The following FHIT variants were observed in gnomAD, a reference collection of about 807,000 sequenced individuals.
FHIT encodes fragile histidine triad diadenosine triphosphatase, also known as bis(5'-adenosyl)-triphosphatase.
A neutral mutation model predicts 17.9 loss-of-function variants in FHIT; 19 were observed. The ratio of observed to expected loss-of-function variants is 1.06; its 90% CI spans 0.74 to 1.56. The LOEUF is 1.56. Among genes scored for constraint, FHIT ranks in the 40% most tolerant of loss-of-function variants. The pLI is 0.00. For synonymous variants in FHIT, 81 were observed against 69.7 expected (o/e 1.16, Z -0.81); for missense variants, 248 against 189.2 (o/e 1.31, Z -1.82).
At chr3:61,107,180 G>A (rs1419495194) in intron 2 of FHIT, among the ~76,000 whole-genome samples, 1 of 152,032 alleles carries the variant, frequency 6.6e-6, no homozygotes, top group African/African-American at 2.4e-5. Flanking sequence ...CTGCCTCTAT[G>A]AGTTTGACTG....
In FHIT at chr3:60,883,490, T is replaced by A. The variant is rs185056397; in HGVS notation, c.-110-61479A>T. On this transcript the variant is annotated intron_variant, in intron 3 of 9. Coordinates refer to ENST00000492590, the MANE Select transcript of FHIT (RefSeq NM_002012.4). ...ATACAAGAAAGTGATAATAACTAAA[T>A]CATCATGTTACTGGAGTAAAAACAA... Among the ~76,000 whole-genome samples, 4 of 152,096 alleles carry A rather than the reference T, an allele frequency of 2.6e-5. No homozygotes were observed. The East Asian group carries it at 7.7e-4, about 29-fold the overall frequency.
intron 3 of FHIT, among the ~76,000 whole-genome samples, chr3:60,851,822 C>A (rs1703165788): frequency 6.6e-6 from 1 of 152,042 alleles, no homozygotes; most frequent in African/African-American, 2.4e-5. Flanking sequence ...CAAGCCAGTA[C>A]TGAGTCTTTC....
chr3:61,245,855 C>T (rs2040475914), intron 1 of FHIT, among the ~76,000 whole-genome samples: 1 of 152,164 alleles, frequency 6.6e-6, no homozygotes, highest in Admixed American at 6.5e-5. Context: ...CAGAGCAACT[C>T]CATCTTCAAT....
At chr3:61,246,057 G>GTCGTCCTCACTGC (rs1179620487) in intron 1 of FHIT, among the ~76,000 whole-genome samples, 1 of 152,178 alleles carries the variant, frequency 6.6e-6, no homozygotes, top group African/African-American at 2.4e-5. Context: ...GTGACCTCTG[G>GTCGTCCTCACTGC]TCGTCCTCAC....
chr3:59,963,029 G>C (rs1707756822), intron 7 of FHIT, among the ~76,000 whole-genome samples: 1 of 152,310 alleles, frequency 6.6e-6, no homozygotes, highest in Non-Finnish European at 1.5e-5. Flanking sequence ...GCCAAAGCGG[G>C]CAGATCACGA....
intron 4 of FHIT, among the ~76,000 whole-genome samples, chr3:60,674,207 A>G (rs2040571946): frequency 6.6e-6 from 1 of 152,010 alleles, no homozygotes; most frequent in Non-Finnish European, 1.5e-5. Flanking sequence ...TAAACTTTTC[A>G]TTTTGGAAAT....
intron 4 of FHIT, among the ~76,000 whole-genome samples, chr3:60,764,724 T>C (rs1553720937): frequency 1.3e-5 from 2 of 151,510 alleles, no homozygotes; most frequent in African/African-American, 4.8e-5. Context: ...GATGAGATTA[T>C]AGATATATTA....
rs191192042 is a variant in FHIT at position 60,720,186 on chromosome 3, C to T, written c.-18+101733G>A. 1.8e-4 allele frequency among the ~76,000 whole-genome samples: 27 copies of T among 152,178 alleles called. No individual in the cohort carries two copies. In the East Asian group the frequency reaches 5.0e-3, roughly 28 times the overall value. ...TCCTTGAACTAGCCATCCTCCTTCC[C>T]GATACAGAATATTTGCAAAACCATC... is the stretch of plus-strand genomic sequence containing the variant. On this transcript the variant is annotated intron_variant, in intron 4 of 9. Transcript: ENST00000492590.
chr3:60,930,788 A>T (rs1707910766), intron 3 of FHIT, among the ~76,000 whole-genome samples: 1 of 152,194 alleles, frequency 6.6e-6, no homozygotes, highest in Non-Finnish European at 1.5e-5. Flanking sequence ...TAGTTCAACC[A>T]TTGTGGAAGT....
At chr3:60,902,532 T>C (rs2107229589) in intron 3 of FHIT, among the ~76,000 whole-genome samples, 1 of 152,316 alleles carries the variant, frequency 6.6e-6, no homozygotes. Context: ...ATCCTGATAA[T>C]ATGGATGGTT....
chr3:60,598,676 C>A (rs1204071907), intron 4 of FHIT, among the ~76,000 whole-genome samples: 1 of 152,164 alleles, frequency 6.6e-6, no homozygotes, highest in African/African-American at 2.4e-5. Flanking sequence ...TTTCGCTTTG[C>A]TTACAGATTG....
chr3:60,612,830 T>C (rs2038828104), intron 4 of FHIT, among the ~76,000 whole-genome samples: 1 of 152,222 alleles, frequency 6.6e-6, no homozygotes, highest in African/African-American at 2.4e-5. Flanking sequence ...TATTAATCAA[T>C]AACAGAATCC....
At chr3:60,900,881 G>T (rs906395683) in intron 3 of FHIT, among the ~76,000 whole-genome samples, 2 of 152,128 alleles carry the variant, frequency 1.3e-5, no homozygotes, top group African/African-American at 2.4e-5. Context: ...GGGTTCAAGT[G>T]ATTCCCTTGC....
At chr3:60,474,347 A>G (rs1460817433) in intron 5 of FHIT, among the ~76,000 whole-genome samples, 1 of 152,232 alleles carries the variant, frequency 6.6e-6, no homozygotes, top group Non-Finnish European at 1.5e-5. Context: ...AGAATCTTAA[A>G]TCAACTGAAT....
chr3:60,131,033 G>C (rs535668344), intron 5 of FHIT, among the ~76,000 whole-genome samples: 1 of 69,200 alleles, frequency 1.4e-5, no homozygotes, highest in African/African-American at 1.1e-4. Flanking sequence ...ATATACATAT[G>C]TGTATATATA....
At chr3:60,372,474 G>A (rs1490330897) in intron 5 of FHIT, among the ~76,000 whole-genome samples, 1 of 152,102 alleles carries the variant, frequency 6.6e-6, no homozygotes, top group African/African-American at 2.4e-5. Flanking sequence ...CTATCTCATT[G>A]TATTTTCCGC....
chr3:59,779,375 A>G (rs1317838269), intron 8 of FHIT, among the ~76,000 whole-genome samples: 1 of 152,112 alleles, frequency 6.6e-6, no homozygotes, highest in Non-Finnish European at 1.5e-5. Context: ...TACATAAGCC[A>G]TTCCTGGGCT....
At position 60,111,900 on chromosome 3, in the gene FHIT, A is replaced by G. The variant is rs1003862467; in HGVS notation, c.104-97748T>C. 3.9e-5 allele frequency among the ~76,000 whole-genome samples: 6 copies of G among 152,210 alleles called. No individual in the cohort carries two copies. The East Asian group carries it at 1.2e-3, about 29-fold the overall frequency. On this transcript the variant is annotated intron_variant, in intron 5 of 9. Coordinates refer to ENST00000492590, the MANE Select transcript of FHIT (RefSeq NM_002012.4). ...AATTAAACATCCAACTCTTTGCCTGAAACACCGTTCCTTAAGGGCTTTCCA... is the reference window on the plus strand; with the variant it reads ...AATTAAACATCCAACTCTTTGCCTGGAACACCGTTCCTTAAGGGCTTTCCA...
At chr3:60,570,114 C>T (rs752874521) in intron 4 of FHIT, among the ~76,000 whole-genome samples, 45 of 152,078 alleles carry the variant, frequency 3.0e-4, no homozygotes, top group Non-Finnish European at 5.4e-4. Flanking sequence ...CAGTAGTTTG[C>T]GAAGCTCCCC....
Sources: gnomAD v4.1 joint callset for allele counts (sites outside exome capture counted in the v4.1 genomes callset) on GRCh38, gnomAD v4.1.1 for gene constraint, MANE v1.5 for transcripts, NCBI Gene and HGNC (gene_info 2026-07-23, HGNC 2026-07-21) for gene names.